WDR35: variants seen among roughly 807,000 people sequenced by gnomAD.
WDR35 encodes the protein WD repeat domain 35.
In WDR35, 118 loss-of-function variants were observed where a neutral mutation model predicts 158.3. The observed-to-expected ratio is 0.75, with a 90% confidence interval of 0.64 to 0.87. The LOEUF (loss-of-function observed/expected upper bound fraction) is 0.87. Among genes scored for constraint, WDR35 ranks in the 40% least tolerant of loss-of-function variants. The pLI, the probability that WDR35 is intolerant of heterozygous loss-of-function variation, is 0.00. For missense variants in WDR35, 1,263 were observed against 1,405.8 expected, an observed-to-expected ratio of 0.90 and a Z score of 1.62; for synonymous variants, 448 against 476.1, an observed-to-expected ratio of 0.94 and a Z score of 0.77.
chr2:19,978,880 C>T lies in WDR35; in HGVS notation c.308-1G>A, dbSNP rs201147062. On this transcript the variant is annotated splice_acceptor_variant, in intron 4 of 26. Coordinates refer to ENST00000281405, the MANE Select transcript of WDR35 (RefSeq NM_020779.4). LOFTEE classifies it high-confidence loss of function. ...TTGATCATCTCCTCAATCCAAGAGC[C>T]TGTTTTCACAAATTTAAAAAATTAC... The T allele has an allele frequency of 4.3e-5, 69 of 1,613,456 alleles. No individual in the cohort carries two copies. The highest frequency in any genetic ancestry group is 8.5e-7 in the Non-Finnish European group (1 of 1,179,760).
chr2:19,989,441 C>A (rs1029859942), intron 1 of WDR35, among the ~76,000 whole-genome samples, 159 bp from the exon 2 acceptor site: 4 of 152,168 alleles, frequency 2.6e-5, no homozygotes, highest in Non-Finnish European at 5.9e-5. Flanking sequence ...GTCCCCTGAA[C>A]TGACCCGGGC....
At chr2:19,929,228 G>C (rs1670451934) in intron 25 of WDR35, among the ~76,000 whole-genome samples, 1 of 151,996 alleles carries the variant, frequency 6.6e-6, no homozygotes, top group African/African-American at 2.4e-5. Flanking sequence ...TATTACATAT[G>C]GTCTCTAAAG....
At chr2:19,944,139 C>T (rs75724734) in intron 16 of WDR35, among the ~76,000 whole-genome samples, 12,842 of 151,884 alleles carry the variant, frequency 0.085, 636 homozygotes, top group East Asian at 0.23. Flanking sequence ...AAACCAGCTG[C>T]GACCACAGTA....
chr2:19,953,802 A>T, intron 12 of WDR35, 32 bp downstream of exon 12: 1 of 1,613,674 alleles, frequency 6.2e-7, no homozygotes, highest in Non-Finnish European at 8.5e-7. Flanking sequence ...GATATGGTTG[A>T]GCTACTAAAA....
At chr2:19,939,343 T>C (rs1670799022) in intron 17 of WDR35, among the ~76,000 whole-genome samples, 1 of 151,992 alleles carries the variant, frequency 6.6e-6, no homozygotes, top group Admixed American at 6.5e-5. Context: ...AAGAAGAAAA[T>C]GTAAGAATGT....
chr2:19,915,649 T>C (rs1394979338), intron 25 of WDR35, among the ~76,000 whole-genome samples: 1 of 151,736 alleles, frequency 6.6e-6, no homozygotes, highest in Non-Finnish European at 1.5e-5. Flanking sequence ...TATATATAAC[T>C]AATAACCAAT....
At position 19,910,563 on chromosome 2, in the gene WDR35, C is replaced by G. The variant is rs1669798959; in HGVS notation, c.*2995G>C. The G allele has an allele frequency of 6.6e-6, 1 of 152,200 alleles. No homozygotes were observed. The highest frequency in any genetic ancestry group is 2.4e-5 in the African/African-American group (1 of 41,444). The allele number at this position is 152,200 out of a possible 1,614,324, so 9.4% of individuals were successfully genotyped here. ...TAATAAAAAAAACAACTTGGCATTA[C>G]TCAACGGGAAGTCAGTACATGTTTT... On this transcript the variant is annotated 3_prime_UTR_variant, in exon 27 of 27. Coordinates refer to ENST00000281405, the MANE Select transcript of WDR35 (RefSeq NM_020779.4).
intron 25 of WDR35, among the ~76,000 whole-genome samples, chr2:19,915,512 CTTT>C (rs1669963339): frequency 6.6e-6 from 1 of 150,706 alleles, no homozygotes; most frequent in African/African-American, 2.4e-5. Context: ...TCTAATTGTT[CTTT>C]TAAGTCTAGA....
At chr2:19,948,314 TCTTAA>T in intron 13 of WDR35, 97 bp from the exon 14 acceptor site, 1 of 1,159,742 alleles carries the variant, frequency 8.6e-7, no homozygotes, top group South Asian at 1.4e-5. Flanking sequence ...AGTCAATATT[TCTTAA>T]CTTAACCAAC....
At chr2:19,941,935 A>G in intron 16 of WDR35, 96 bp from the exon 17 acceptor site, 1 of 919,626 alleles carries the variant, frequency 1.1e-6, no homozygotes, top group South Asian at 1.5e-5. Flanking sequence ...GTTTTCAGGT[A>G]AACAAAAGAG....
chr2:19,948,783 G>C (rs1284894180), intron 13 of WDR35, among the ~76,000 whole-genome samples: 2 of 152,044 alleles, frequency 1.3e-5, no homozygotes, highest in Non-Finnish European at 2.9e-5. Flanking sequence ...CAGGGGACAA[G>C]AATGGGACTG....
chr2:19,987,831 A>G (rs949165733), intron 2 of WDR35, among the ~76,000 whole-genome samples: 3 of 151,424 alleles, frequency 2.0e-5, no homozygotes, highest in Non-Finnish European at 4.4e-5. Flanking sequence ...CTCAAAAAAA[A>G]AAAAAAAAAA....
rs141118263 is a variant in WDR35 at position 19,973,647 on chromosome 2, G to C, written c.798C>G (p.Ser266Arg). Reference sequence around the variant, plus strand: ...TCTGGAAGCCTGCCACAGCTAACACGCTGCCCATGTGGTTCCACTGGATGC... The same window carrying C: ...TCTGGAAGCCTGCCACAGCTAACACCCTGCCCATGTGGTTCCACTGGATGC... ...VVGIQWNHMGSVLAVAGFQKA... is the reference protein window; with the variant it reads ...VVGIQWNHMGRVLAVAGFQKA... Residue 266 changes from serine (S) to arginine (R), a missense_variant, in exon 8 of 27, where the codon AGC (serine) becomes AGG (arginine). Transcript: ENST00000281405. 6.2e-7 allele frequency: 1 copy of C among 1,614,168 alleles called. No homozygotes were observed.
intron 25 of WDR35, among the ~76,000 whole-genome samples, chr2:19,916,848 G>A (rs940204893): frequency 4.6e-5 from 7 of 152,200 alleles, no homozygotes; most frequent in African/African-American, 1.4e-4. Flanking sequence ...AGACAGCAGC[G>A]GATCAACCAG....
chr2:19,980,049 T>C (rs1267789926), intron 4 of WDR35, among the ~76,000 whole-genome samples: 1 of 152,228 alleles, frequency 6.6e-6, no homozygotes, highest in East Asian at 1.9e-4. Context: ...AGACAAACTG[T>C]GAACCAGTAG....
intron 9 of WDR35, 34 bp downstream of exon 9, chr2:19,969,444 AAC>A (rs750602445): frequency 6.3e-7 from 1 of 1,590,184 alleles, no homozygotes; most frequent in Admixed American, 1.7e-5. Flanking sequence ...TTTAGTAAGA[AAC>A]ACTGTTTATT....
intron 25 of WDR35, among the ~76,000 whole-genome samples, chr2:19,917,486 A>G (rs1055564773): frequency 6.6e-6 from 1 of 152,230 alleles, no homozygotes; most frequent in African/African-American, 2.4e-5. Flanking sequence ...CAAGGAAGCT[A>G]AGAACCTTGA....
At chr2:19,917,296 C>A (rs553263057) in intron 25 of WDR35, among the ~76,000 whole-genome samples, 7 of 152,258 alleles carry the variant, frequency 4.6e-5, no homozygotes, top group African/African-American at 1.7e-4. Context: ...GAAACCAGAG[C>A]AAAAAGGCTG....
At chr2:19,928,211 A>C (rs546266000) in intron 25 of WDR35, among the ~76,000 whole-genome samples, 9 of 152,232 alleles carry the variant, frequency 5.9e-5, no homozygotes, top group African/African-American at 1.9e-4. Context: ...TAGCATGAGC[A>C]ATCTGTGCCT....
Sources: allele counts gnomAD v4.1 joint callset (sites outside exome capture counted in the v4.1 genomes callset), GRCh38; gene constraint gnomAD v4.1.1; transcripts MANE v1.5; gene names NCBI Gene and HGNC (gene_info 2026-07-23, HGNC 2026-07-21).